PLCE1: variants seen among roughly 807,000 people sequenced by gnomAD.
PLCE1 encodes the protein phospholipase C epsilon 1.
A neutral mutation model predicts 242.8 loss-of-function variants in PLCE1; 119 were observed. The ratio of observed to expected loss-of-function variants is 0.49; its 90% confidence interval spans 0.42 to 0.57. The LOEUF (loss-of-function observed/expected upper bound fraction) is 0.57, where lower values mean the gene tolerates loss of function less well. Among genes scored for constraint, PLCE1 ranks in the 20% least tolerant of loss-of-function variants. The pLI, the probability that PLCE1 is intolerant of heterozygous loss-of-function variation, is 0.00. For synonymous variants in PLCE1, 945 were observed against 1,017.4 expected, an observed-to-expected ratio of 0.93 and a Z score of 1.35; for missense variants, 2,441 against 2,788.8, an observed-to-expected ratio of 0.88 and a Z score of 2.81.
At chr10:94,000,717 C>T (rs1056011825) in intron 1 of PLCE1, among the ~76,000 whole-genome samples, 3 of 152,218 alleles carry the variant, frequency 2.0e-5, no homozygotes, top group Non-Finnish European at 2.9e-5. Flanking sequence ...CCTCTCTCCC[C>T]AGCTGCCACT....
intron 4 of PLCE1, among the ~76,000 whole-genome samples, chr10:94,210,414 T>A (rs2049295520): frequency 1.3e-5 from 2 of 152,136 alleles, no homozygotes; most frequent in Admixed American, 1.3e-4. Flanking sequence ...AACAGGTCTG[T>A]CACTTTTACA....
At chr10:94,305,592 C>T (rs2053172481) in intron 25 of PLCE1, among the ~76,000 whole-genome samples, 1 of 152,190 alleles carries the variant, frequency 6.6e-6, no homozygotes, top group Admixed American at 6.5e-5. Flanking sequence ...ACCCAAACTG[C>T]TTTTTCTCTT....
intron 2 of PLCE1, among the ~76,000 whole-genome samples, chr10:94,038,253 G>T (rs572362023): frequency 1.1e-4 from 17 of 152,058 alleles, no homozygotes; most frequent in South Asian, 2.1e-4. Context: ...AAGCATCAGT[G>T]GGGGGAGGTG....
intron 7 of PLCE1, among the ~76,000 whole-genome samples, chr10:94,241,851 G>A (rs982627190): frequency 6.6e-6 from 1 of 151,442 alleles, no homozygotes; most frequent in African/African-American, 2.4e-5. Context: ...GTAGCCTAGA[G>A]AAGAGGAAGT....
intron 1 of PLCE1, among the ~76,000 whole-genome samples, chr10:93,995,830 TA>T (rs774123874): frequency 3.3e-5 from 5 of 152,238 alleles, no homozygotes; most frequent in Non-Finnish European, 7.3e-5. Flanking sequence ...GACCTGTCAT[TA>T]AAAATTCCAT....
chr10:94,230,349 G>C (rs1021341716), intron 5 of PLCE1, among the ~76,000 whole-genome samples: 4 of 151,942 alleles, frequency 2.6e-5, no homozygotes, highest in African/African-American at 9.7e-5. Flanking sequence ...TTTTTAAACG[G>C]AGCCTCACCG....
chr10:94,236,775 C>G (rs907415087), intron 7 of PLCE1, among the ~76,000 whole-genome samples: 16 of 152,092 alleles, frequency 1.1e-4, no homozygotes, highest in Non-Finnish European at 5.9e-5. Flanking sequence ...TAGTGGCAAT[C>G]TATATATAGA....
chr10:94,315,769 CAAAA>C (rs10572287), intron 28 of PLCE1, among the ~76,000 whole-genome samples: 26 of 122,856 alleles, frequency 2.1e-4, no homozygotes, highest in African/African-American at 6.6e-4. Flanking sequence ...GACTCTGTCT[CAAAA>C]AAAAAAAAAA....
chr10:94,324,308 A>T, intron 30 of PLCE1, 41 bp from the exon 31 acceptor site: 1 of 1,488,182 alleles, frequency 6.7e-7, no homozygotes, highest in Non-Finnish European at 9.4e-7. Context: ...AATGTTGGAG[A>T]TTCTGTGTCT....
At position 94,254,945 on chromosome 10, in the gene PLCE1, C is replaced by G; in HGVS notation, c.3450C>G (p.His1150Gln). Reference sequence around the variant, plus strand: ...ACCCCCTCCCTTCCAGAAGAGCCCACTCTTTGACCACAGCTGGGTCCCCCA... The same window carrying G: ...ACCCCCTCCCTTCCAGAAGAGCCCAGTCTTTGACCACAGCTGGGTCCCCCA... The part of the protein sequence containing the change: ...PPNPLPSRRA[H>Q]SLTTAGSPNL... The change falls in exon 11 of 33, where the codon CAC (histidine) becomes CAG (glutamine). Residue 1150 changes from histidine (H) to glutamine (Q), a missense_variant. This residue lies in a region of PLCE1 where 1,004 missense variants were observed against 1,322.7 expected (regional missense o/e 0.76). Transcript: ENST00000371380. 6.2e-7 allele frequency: 1 copy of G among 1,614,088 alleles called. No homozygotes were observed. Among genetic ancestry groups the G allele is most frequent in the Non-Finnish European group, 8.5e-7 (1 of 1,179,942 alleles).
intron 2 of PLCE1, among the ~76,000 whole-genome samples, chr10:94,055,569 C>T (rs928927320): frequency 2.0e-5 from 3 of 152,094 alleles, no homozygotes; most frequent in Non-Finnish European, 4.4e-5. Context: ...CTGCCCATCT[C>T]GGCCTCCCAA....
chr10:94,204,395 G>A (rs576266945), intron 4 of PLCE1, among the ~76,000 whole-genome samples: 10 of 152,312 alleles, frequency 6.6e-5, no homozygotes, highest in East Asian at 3.9e-4. Flanking sequence ...CTGGCAAGGC[G>A]TGGTGGCTCA....
At chr10:94,256,338 A>AAAAG (rs1290627133) in intron 11 of PLCE1, among the ~76,000 whole-genome samples, 24 of 140,478 alleles carry the variant, frequency 1.7e-4, no homozygotes, top group Middle Eastern at 4.0e-3. Context: ...AAAAAAAAAA[A>AAAAG]AAAGAAAGAA....
intron 4 of PLCE1, among the ~76,000 whole-genome samples, chr10:94,212,727 C>T (rs2049384181): frequency 6.6e-6 from 1 of 152,184 alleles, no homozygotes; most frequent in Non-Finnish European, 1.5e-5. Context: ...TACTTAATAT[C>T]TGGGTAGAAC....
At chr10:94,167,064 T>A (rs555048366) in intron 3 of PLCE1, among the ~76,000 whole-genome samples, 9 of 152,246 alleles carry the variant, frequency 5.9e-5, no homozygotes, top group African/African-American at 1.9e-4. Context: ...CCAAGGCAGG[T>A]GGATCACCTG....
intron 1 of PLCE1, among the ~76,000 whole-genome samples, chr10:94,008,020 A>C (rs2061081355): frequency 6.6e-6 from 1 of 151,408 alleles, no homozygotes; most frequent in African/African-American, 2.4e-5. Context: ...CTCTCCAAAA[A>C]AAAGAAAAAG....
intron 1 of PLCE1, among the ~76,000 whole-genome samples, chr10:94,008,210 A>AAG (rs2061085934): frequency 8.1e-6 from 1 of 124,068 alleles, no homozygotes; most frequent in African/African-American, 3.5e-5. Context: ...AAAAAAAAAA[A>AAG]AAAAGTAACA....
intron 2 of PLCE1, among the ~76,000 whole-genome samples, chr10:94,057,493 A>G (rs940626077): frequency 2.6e-5 from 4 of 152,300 alleles, no homozygotes; most frequent in South Asian, 2.1e-4. Flanking sequence ...ATGCATGTCT[A>G]TTTCTTTAGT....
At chr10:94,145,500 C>T (rs542851011) in intron 3 of PLCE1, among the ~76,000 whole-genome samples, 5 of 152,186 alleles carry the variant, frequency 3.3e-5, no homozygotes, top group East Asian at 1.9e-4. Flanking sequence ...ATCCAAGCCA[C>T]GTGTGTTTTT....
Sources: allele counts gnomAD v4.1 joint callset (sites outside exome capture counted in the v4.1 genomes callset), GRCh38; gene constraint gnomAD v4.1.1; regional missense constraint gnomAD v4.1.1; transcripts MANE v1.5; gene names NCBI Gene and HGNC (gene_info 2026-07-23, HGNC 2026-07-21).